Variants in KIT observed in about 807,000 individuals in gnomAD.
The protein encoded by KIT is KIT proto-oncogene, receptor tyrosine kinase.
A neutral mutation model predicts 105.7 loss-of-function variants in KIT; 16 were observed. That is an observed-to-expected ratio of 0.15 (90% CI 0.10 to 0.23). The LOEUF (loss-of-function observed/expected upper bound fraction) is 0.23, where lower values mean the gene tolerates loss of function less well. KIT is among the 10% of genes least tolerant of loss of function. The pLI is 1.00. For missense variants in KIT, 858 were observed against 1,213.8 expected, an observed-to-expected ratio of 0.71 and a Z score of 4.36; for synonymous variants, 438 against 441.1, an observed-to-expected ratio of 0.99 and a Z score of 0.09.
chr4:54,669,986 A>G (rs1717990193), intron 1 of KIT, among the ~76,000 whole-genome samples: 1 of 152,116 alleles, frequency 6.6e-6, no homozygotes, highest in South Asian at 2.1e-4. Flanking sequence ...TGCCCTCCAG[A>G]GGGCTGAGCA....
At chr4:54,688,030 G>A (rs1200205150) in intron 1 of KIT, among the ~76,000 whole-genome samples, 2 of 152,164 alleles carry the variant, frequency 1.3e-5, no homozygotes, top group African/African-American at 4.8e-5. Flanking sequence ...ACATTTTTGA[G>A]ATTCTCTGTT....
At chr4:54,672,497 A>G (rs986873836) in intron 1 of KIT, among the ~76,000 whole-genome samples, 3 of 151,966 alleles carry the variant, frequency 2.0e-5, no homozygotes, top group Non-Finnish European at 4.4e-5. Flanking sequence ...GCTATTTTCC[A>G]TTGTTGCTAC....
At chr4:54,672,365 T>C (rs1313929678) in intron 1 of KIT, among the ~76,000 whole-genome samples, 1 of 152,206 alleles carries the variant, frequency 6.6e-6, no homozygotes, top group African/African-American at 2.4e-5. Context: ...CTTTCTCTTT[T>C]TGGTGTACCT....
In KIT at chr4:54,698,273, T is replaced by C. The variant is rs1325259835; in HGVS notation, c.338-11T>C. 6.2e-7 allele frequency: 1 copy of C among 1,612,642 alleles called. No individual in the cohort carries two copies. The highest frequency in any genetic ancestry group is 1.3e-5 in the African/African-American group (1 of 74,920). Reference sequence around the variant, plus strand: ...CCATTCCAACTACTGATTTTGGATATGCTTCTATAGATCCTGCCAAGCTTT... The same window carrying C: ...CCATTCCAACTACTGATTTTGGATACGCTTCTATAGATCCTGCCAAGCTTT... On this transcript the variant is annotated splice_polypyrimidine_tract_variant and intron_variant, in intron 2 of 20. Coordinates refer to ENST00000288135, the MANE Select transcript of KIT (RefSeq NM_000222.3).
Position 54,735,787 on chromosome 4 carries a change from A to G in KIT, c.2485-711A>G, listed in dbSNP as rs1722893319. ...GTTTTGGGTTTTGACAGAAAACCCA[A>G]AATAAAAGAAGTCTAGGAGTAGACT... On this transcript the variant is annotated intron_variant, in intron 17 of 20. Coordinates refer to ENST00000288135, the MANE Select transcript of KIT (RefSeq NM_000222.3). 2.0e-5 allele frequency among the ~76,000 whole-genome samples: 3 copies of G among 152,174 alleles called. No homozygotes were observed. The South Asian group carries it at 6.2e-4, about 32-fold the overall frequency.
At chr4:54,713,717 A>G (rs968341402) in intron 7 of KIT, among the ~76,000 whole-genome samples, 1 of 152,222 alleles carries the variant, frequency 6.6e-6, no homozygotes, top group African/African-American at 2.4e-5. Context: ...TGAAAATTCC[A>G]CATGTAAATT....
rs1578007241 is a variant in KIT, at chr4:54,736,512, G to A, written c.2499G>A (p.Val833=). The change falls in exon 18 of 21, where the codon GTG becomes GTA. Residue 833 remains valine, a synonymous_variant. Coordinates refer to ENST00000288135, the MANE Select transcript of KIT (RefSeq NM_000222.3). ...TTCTATTACAGGCTCGACTACCTGT[G>A]AAGTGGATGGCACCTGAAAGCATTT... ...YVVKGNARLP[V]KWMAPESIFN... The A allele has an allele frequency of 6.2e-7, 1 of 1,613,310 alleles. No individual in the cohort carries two copies.
At position 54,723,492 on chromosome 4, in the gene KIT, C is replaced by G. The variant is rs56047838; in HGVS notation, c.1232-92C>G. The G allele has an allele frequency of 3.7e-3, 3,079 of 828,694 alleles. 18 individuals carry two copies. Among genetic ancestry groups the G allele is most frequent in the African/African-American group, 0.02 (1,181 of 59,990 alleles). 51.3% of individuals were successfully genotyped at this position (828,694 alleles called of 1,614,324 possible). ...GCTCCCTCAGGCTACTCAGCAGCCT[C>G]AGGAAGGTTGTAGGGATTAGAGAGG... On this transcript the variant is annotated intron_variant, in intron 7 of 20. Coordinates refer to ENST00000288135, the MANE Select transcript of KIT (RefSeq NM_000222.3).
intron 1 of KIT, among the ~76,000 whole-genome samples, chr4:54,693,761 G>A (rs1458545828): frequency 1.3e-5 from 2 of 152,150 alleles, no homozygotes; most frequent in African/African-American, 2.4e-5. Flanking sequence ...GTGACTGGGG[G>A]CCCCAGGGAA....
rs758643928 is a variant in KIT, at chr4:54,699,760, C to T, written c.750C>T (p.Asn250=). The change falls in exon 4 of 21, where the codon AAC becomes AAT. Residue 250 remains asparagine (N), a synonymous_variant. Transcript: ENST00000288135. ...TGTACTCAACGTGGAAAAGAGAAAA[C>T]AGTCAGGTGAGTGAATCGCTTCATT... The part of the protein sequence containing the change: ...SSVYSTWKRE[N]SQTKLQEKYN... The T allele has an allele frequency of 6.2e-7, 1 of 1,613,626 alleles. No homozygotes were observed. The highest frequency in any genetic ancestry group is 8.5e-7 in the Non-Finnish European group (1 of 1,179,740).
At chr4:54,707,011 G>C in intron 5 of KIT, 87 bp from the exon 6 acceptor site, 3 of 747,452 alleles carry the variant, frequency 4.0e-6, no homozygotes, top group Non-Finnish European at 6.8e-6. Context: ...TCAACCAATT[G>C]TTTTTGTAAT....
intron 1 of KIT, 152 bp downstream of exon 1, chr4:54,658,233 C>A: frequency 1.3e-6 from 1 of 764,032 alleles, no homozygotes; most frequent in South Asian, 1.5e-5. Flanking sequence ...AGGTGGCCCT[C>A]GGACTCTCCG....
chr4:54,698,179 T>G, intron 2 of KIT, 105 bp from the exon 3 acceptor site: 2 of 1,167,676 alleles, frequency 1.7e-6, no homozygotes, highest in Non-Finnish European at 2.5e-6. Flanking sequence ...AAAGCAGCCA[T>G]TTGGGCCACT....
intron 1 of KIT, among the ~76,000 whole-genome samples, chr4:54,660,016 C>T (rs181322441): frequency 1.3e-5 from 2 of 152,144 alleles, no homozygotes; most frequent in African/African-American, 4.8e-5. Context: ...ACGCAGTGTC[C>T]TCCAGAGTAC....
At chr4:54,737,421 G>C in intron 20 of KIT, 141 bp downstream of exon 20, 1 of 712,128 alleles carries the variant, frequency 1.4e-6, no homozygotes, top group East Asian at 2.7e-5. Context: ...TCAGGTAGGG[G>C]AAGTAAAGCA....
In KIT at chr4:54,700,721, C is replaced by G. The variant is rs554055474; in HGVS notation, c.756+955C>G. On this transcript the variant is annotated intron_variant, in intron 4 of 20. Transcript: ENST00000288135. ...ATGTTCAACATTGGCAATTTTATGC[C>G]TGTTTAAAAAACTCTTTGCTAAACA... Among the ~76,000 whole-genome samples, 3 of 152,276 alleles carry G rather than the reference C, an allele frequency of 2.0e-5. No homozygotes were observed. The East Asian group carries it at 5.8e-4, about 29-fold the overall frequency.
At chr4:54,733,419 A>C (rs1254517095) in intron 17 of KIT, 3 of 467,828 alleles carry the variant, frequency 6.4e-6, no homozygotes, top group Non-Finnish European at 3.9e-6. Flanking sequence ...ATTTTGGGGC[A>C]TGTGAAGGAA....
At chr4:54,685,922 A>G (rs1020068171) in intron 1 of KIT, among the ~76,000 whole-genome samples, 24 of 152,096 alleles carry the variant, frequency 1.6e-4, no homozygotes, top group African/African-American at 5.8e-4. Flanking sequence ...GTTCTACATA[A>G]TACTCTGCCC....
chr4:54,698,549 C>T lies in KIT; in HGVS notation c.603C>T (p.Ile201=). 6.2e-7 allele frequency: 1 copy of T among 1,614,142 alleles called. No individual in the cohort carries two copies. Among genetic ancestry groups the T allele is most frequent in the African/African-American group, 1.3e-5 (1 of 75,050 alleles). ...EGKSVLSEKF[I]LKVRPAFKAV... ...AGTCAGTGCTGTCGGAAAAATTCAT[C>T]CTGAAAGTGAGGCCAGGTACTGGCT... is the stretch of plus-strand genomic sequence containing the variant. The change falls in exon 3 of 21, where the codon ATC becomes ATT. Residue 201 remains isoleucine, a synonymous_variant. Transcript: ENST00000288135.
Sources: gnomAD v4.1 joint callset for allele counts (sites outside exome capture counted in the v4.1 genomes callset) on GRCh38, gnomAD v4.1.1 for gene constraint, MANE v1.5 for transcripts, NCBI Gene and HGNC (gene_info 2026-07-23, HGNC 2026-07-21) for gene names.